Variants in TSHZ3 observed in about 807,000 individuals in gnomAD.
TSHZ3 encodes teashirt homolog 3.
TSHZ3 carries 10 observed loss-of-function variants against 64.5 expected under a neutral mutation model. That is an observed-to-expected ratio of 0.16 (90% CI 0.10 to 0.26). The LOEUF is 0.26. Among genes scored for constraint, TSHZ3 ranks in the 10% least tolerant of loss-of-function variants. The pLI, the probability that TSHZ3 is intolerant of heterozygous loss-of-function variation, is 1.00. For missense variants in TSHZ3, 1,242 were observed against 1,421.7 expected (o/e 0.87, Z 2.03); for synonymous variants, 608 against 593.1 (o/e 1.03, Z -0.36).
At chr19:31,188,861 A>C (rs1040079169) in intron 5 of TSHZ3, among the ~76,000 whole-genome samples, 6 of 151,870 alleles carry the variant, frequency 4.0e-5, no homozygotes, top group Non-Finnish European at 8.8e-5. Flanking sequence ...TTTGTGAAAA[A>C]TTCGTATTTT....
rs867961201 is a variant in TSHZ3, at chr19:31,246,889, C to T, written n.64-4014G>A. Among the ~76,000 whole-genome samples, 95 of 152,030 alleles carry T rather than the reference C, an allele frequency of 6.2e-4. 1 individual carries two copies. Among genetic ancestry groups the T allele is most frequent in the Non-Finnish European group, 4.3e-4 (29 of 67,980 alleles). ...GGAAATGCTCAAAGAATAACAGGGA[C>T]ATATCAAAAGGACAAAGAAGCCAAT... On this transcript the variant is annotated intron_variant and non_coding_transcript_variant, in intron 1 of 6. Coordinates refer to the TSHZ3 transcript ENST00000651361.
At chr19:31,284,851 T>C (rs896228728) in intron 1 of TSHZ3, among the ~76,000 whole-genome samples, 2 of 152,174 alleles carry the variant, frequency 1.3e-5, no homozygotes, top group African/African-American at 4.8e-5. Context: ...GGCCACTCAA[T>C]ACATGTCAAT....
chr19:31,152,917 A>G (rs532004059), intron 6 of TSHZ3, among the ~76,000 whole-genome samples: 2 of 152,356 alleles, frequency 1.3e-5, no homozygotes, highest in East Asian at 1.9e-4. Flanking sequence ...AGGACCACAC[A>G]GTGCAAGTAT....
At chr19:31,326,483 CGT>C (rs983715643) in intron 1 of TSHZ3, among the ~76,000 whole-genome samples, 1 of 152,220 alleles carries the variant, frequency 6.6e-6, no homozygotes, top group African/African-American at 2.4e-5. Flanking sequence ...AAGCCTGGCG[CGT>C]GTGTGTGCAT....
At chr19:31,186,404 G>A (rs1480734625) in intron 5 of TSHZ3, among the ~76,000 whole-genome samples, 1 of 152,154 alleles carries the variant, frequency 6.6e-6, no homozygotes, top group Non-Finnish European at 1.5e-5. Flanking sequence ...CACAAGATCT[G>A]AATGGTTTTA....
chr19:31,285,823 G>GAAAGAA (rs1168685318), intron 1 of TSHZ3, among the ~76,000 whole-genome samples: 2 of 142,770 alleles, frequency 1.4e-5, no homozygotes, highest in East Asian at 2.1e-4. Flanking sequence ...AAGTGAAAGT[G>GAAAGAA]AAAGAAAAAG....
chr19:31,206,522 G>A (rs1055020345), intron 4 of TSHZ3, among the ~76,000 whole-genome samples: 3 of 152,116 alleles, frequency 2.0e-5, no homozygotes, highest in South Asian at 2.1e-4. Context: ...CAAAATCCTT[G>A]GGCTGCTTCA....
At chr19:31,187,697 C>A (rs567532434) in intron 5 of TSHZ3, among the ~76,000 whole-genome samples, 1 of 152,094 alleles carries the variant, frequency 6.6e-6, no homozygotes, top group East Asian at 1.9e-4. Flanking sequence ...TGCAAGACTG[C>A]CCTTTTCTCA....
At chr19:31,300,607 G>T (rs192578175) in intron 1 of TSHZ3, among the ~76,000 whole-genome samples, 1 of 152,262 alleles carries the variant, frequency 6.6e-6, no homozygotes, top group Admixed American at 6.5e-5. Flanking sequence ...TGCACTCGCC[G>T]CACCACCTCC....
At chr19:31,338,064 C>G (rs368421037) in intron 1 of TSHZ3, among the ~76,000 whole-genome samples, 1 of 152,222 alleles carries the variant, frequency 6.6e-6, no homozygotes, top group Non-Finnish European at 1.5e-5. Context: ...TTTGCACTAT[C>G]GGGGCTCTCC....
At chr19:31,314,369 C>T (rs1344294823) in intron 1 of TSHZ3, among the ~76,000 whole-genome samples, 1 of 152,214 alleles carries the variant, frequency 6.6e-6, no homozygotes, top group Non-Finnish European at 1.5e-5. Context: ...TGAGAAGCCA[C>T]ATGGGCAGCG....
chr19:31,330,715 G>T lies in TSHZ3; in HGVS notation c.40+18465C>A, dbSNP rs569975486. On this transcript the variant is annotated intron_variant, in intron 1 of 1. Coordinates refer to ENST00000240587, the MANE Select transcript of TSHZ3 (RefSeq NM_020856.4). ...GTGCTGTTTAATCCTTGGGCGGGGG[G>T]AGGAAAGTCCAGAACACCTATGGGT... 1.1e-4 allele frequency among the ~76,000 whole-genome samples: 16 copies of T among 151,228 alleles called. No homozygotes were observed. In the South Asian group the frequency reaches 2.9e-3, roughly 28 times the overall value.
intron 1 of TSHZ3, among the ~76,000 whole-genome samples, chr19:31,335,209 C>T (rs1443099057): frequency 6.6e-6 from 1 of 152,218 alleles, no homozygotes; most frequent in Non-Finnish European, 1.5e-5. Flanking sequence ...ATCTTTCTTC[C>T]TTTGCCCTTC....
chr19:31,218,813 C>CA (rs1975364626), intron 4 of TSHZ3, among the ~76,000 whole-genome samples: 1 of 152,202 alleles, frequency 6.6e-6, no homozygotes, highest in Non-Finnish European at 1.5e-5. Context: ...AAAAGGGCTA[C>CA]ATGCTGTATG....
chr19:31,234,236 T>C (rs1282148309), intron 3 of TSHZ3, among the ~76,000 whole-genome samples: 2 of 152,254 alleles, frequency 1.3e-5, no homozygotes, highest in East Asian at 3.8e-4. Context: ...GTGACGTTGC[T>C]AAATTCATTT....
At chr19:31,155,510 C>T (rs1046004668) in intron 6 of TSHZ3, among the ~76,000 whole-genome samples, 5 of 152,186 alleles carry the variant, frequency 3.3e-5, no homozygotes, top group Non-Finnish European at 5.9e-5. Flanking sequence ...GCAGCCTGGG[C>T]GCTAGTTCAC....
chr19:31,215,734 AG>A (rs1975318097), intron 4 of TSHZ3, among the ~76,000 whole-genome samples: 1 of 151,972 alleles, frequency 6.6e-6, no homozygotes, highest in African/African-American at 2.4e-5. Flanking sequence ...AGCCGGGCAT[AG>A]TGGTGTGTGC....
At chr19:31,300,109 T>C (rs868237410) in intron 1 of TSHZ3, among the ~76,000 whole-genome samples, 1 of 152,174 alleles carries the variant, frequency 6.6e-6, no homozygotes, top group Non-Finnish European at 1.5e-5. Context: ...GGTGAATGCA[T>C]TACAAGCCTA....
chr19:31,327,633 C>T (rs1030389515), intron 1 of TSHZ3, among the ~76,000 whole-genome samples: 1 of 152,040 alleles, frequency 6.6e-6, no homozygotes, highest in African/African-American at 2.4e-5. Flanking sequence ...TGTAAGAATA[C>T]ATATATGTAC....
Sources: allele counts gnomAD v4.1 joint callset (sites outside exome capture counted in the v4.1 genomes callset), GRCh38; gene constraint gnomAD v4.1.1; transcripts MANE v1.5; gene names NCBI Gene and HGNC (gene_info 2026-07-23, HGNC 2026-07-21).